Variants in MECOM observed in about 807,000 individuals in gnomAD.
The protein encoded by MECOM is histone-lysine N-methyltransferase MECOM.
In MECOM, 13 loss-of-function variants were observed where a neutral mutation model predicts 116.3. The ratio of observed to expected loss-of-function variants is 0.11; its 90% CI spans 0.07 to 0.18. The LOEUF is 0.18. Ranked by LOEUF, MECOM falls within the 10% of genes least tolerant of loss-of-function variation. The probability of loss-of-function intolerance (pLI) is 1.00; values close to 1 mark genes in which losing one functional copy is unlikely to be tolerated. For synonymous variants in MECOM, 528 were observed against 535.2 expected (o/e 0.99, Z 0.19); for missense variants, 1,299 against 1,509.0 (o/e 0.86, Z 2.31).
At chr3:169,363,534 C>T (rs1728659606) in intron 2 of MECOM, among the ~76,000 whole-genome samples, 1 of 151,872 alleles carries the variant, frequency 6.6e-6, no homozygotes, top group Admixed American at 6.6e-5. Flanking sequence ...CAATTTTCAC[C>T]TCTGACCCAA....
chr3:169,649,974 T>A (rs1267203753), intron 1 of MECOM, among the ~76,000 whole-genome samples: 1 of 152,226 alleles, frequency 6.6e-6, no homozygotes. Context: ...TTTTGTAACC[T>A]TCTGTGTAAA....
At chr3:169,343,836 C>T (rs920997732) in intron 2 of MECOM, among the ~76,000 whole-genome samples, 13 of 152,168 alleles carry the variant, frequency 8.5e-5, no homozygotes, top group African/African-American at 3.1e-4. Flanking sequence ...TTGGAACATA[C>T]TTAAATTAGT....
intron 1 of MECOM, among the ~76,000 whole-genome samples, chr3:169,523,288 A>G (rs1757570580): frequency 6.6e-6 from 1 of 152,164 alleles, no homozygotes; most frequent in Admixed American, 6.5e-5. Flanking sequence ...TGGGGCCTAT[A>G]AAGAGAAGCC....
chr3:169,663,600 C>T lies in MECOM; in HGVS notation c.-228G>A. 3 of 584,918 alleles carry T rather than the reference C, an allele frequency of 5.1e-6. No homozygotes were observed. The highest frequency in any genetic ancestry group is 5.7e-5 in the East Asian group (2 of 35,250). 36.2% of individuals were successfully genotyped at this position (584,918 alleles called of 1,614,324 possible). A position where few individuals can be genotyped will look rare whatever the true frequency, so the allele number is the denominator to read the frequency against. ...TCACTCTCTGTATTTTCTTCTTTCA[C>T]TCTCTCTCCCTCCCTCTCTCCCTTT... is the stretch of plus-strand genomic sequence containing the variant. On this transcript the variant is annotated 5_prime_UTR_variant, in exon 1 of 17. It adds an upstream start codon to the 5' untranslated region. Coordinates refer to ENST00000651503, the MANE Select transcript of MECOM (RefSeq NM_004991.4).
At chr3:169,399,376 G>A (rs561174433) in intron 1 of MECOM, among the ~76,000 whole-genome samples, 4 of 152,262 alleles carry the variant, frequency 2.6e-5, no homozygotes, top group East Asian at 1.9e-4. Context: ...TTGCCACCAC[G>A]GGAAGAGGTA....
chr3:169,561,451 A>G (rs1201602203), intron 1 of MECOM, among the ~76,000 whole-genome samples: 1 of 152,232 alleles, frequency 6.6e-6, no homozygotes, highest in Non-Finnish European at 1.5e-5. Context: ...ATAAATCACA[A>G]AAGCATACTG....
At chr3:169,444,374 G>A (rs529684627) in intron 1 of MECOM, among the ~76,000 whole-genome samples, 4 of 152,144 alleles carry the variant, frequency 2.6e-5, no homozygotes, top group East Asian at 1.9e-4. Flanking sequence ...CGCATTGTCC[G>A]AGAAACCCAT....
At chr3:169,321,526 G>C (rs1470434690) in intron 2 of MECOM, among the ~76,000 whole-genome samples, 1 of 151,430 alleles carries the variant, frequency 6.6e-6, no homozygotes, top group Non-Finnish European at 1.5e-5. Context: ...GGGTGACAGA[G>C]CGAGACTCCG....
chr3:169,264,183 C>T (rs1316603658), intron 2 of MECOM, among the ~76,000 whole-genome samples: 1 of 152,104 alleles, frequency 6.6e-6, no homozygotes, highest in Admixed American at 6.5e-5. Flanking sequence ...AACCTAACAA[C>T]CAAAATGGGA....
At chr3:169,385,002 G>A (rs1733073236) in intron 1 of MECOM, among the ~76,000 whole-genome samples, 1 of 151,522 alleles carries the variant, frequency 6.6e-6, no homozygotes, top group African/African-American at 2.4e-5. Flanking sequence ...CATTCTGGAG[G>A]CTGAGGCACA....
intron 1 of MECOM, among the ~76,000 whole-genome samples, chr3:169,417,997 A>ATCT (rs1738991971): frequency 6.6e-6 from 1 of 151,668 alleles, no homozygotes; most frequent in African/African-American, 2.4e-5. Flanking sequence ...TAGGAGATAT[A>ATCT]CCTAATGCTA....
intron 4 of MECOM, among the ~76,000 whole-genome samples, chr3:169,130,288 T>C (rs1177972568): frequency 6.6e-6 from 1 of 152,300 alleles, no homozygotes; most frequent in African/African-American, 2.4e-5. Flanking sequence ...AAAGCCCAGA[T>C]TGCAGTTCTT....
At chr3:169,553,674 A>G (rs1386715202) in intron 1 of MECOM, among the ~76,000 whole-genome samples, 1 of 152,226 alleles carries the variant, frequency 6.6e-6, no homozygotes, top group Non-Finnish European at 1.5e-5. Flanking sequence ...TCCAGATGCT[A>G]GAAGTCCAGG....
chr3:169,501,596 G>A (rs1754540438), intron 1 of MECOM, among the ~76,000 whole-genome samples: 1 of 151,966 alleles, frequency 6.6e-6, no homozygotes, highest in Non-Finnish European at 1.5e-5. Context: ...ATTGCATCTA[G>A]CTCAACAAGC....
chr3:169,086,425 A>G lies in MECOM; in HGVS notation c.3586-1382T>C, dbSNP rs375235612. 1.3e-5 allele frequency: 8 copies of G among 618,696 alleles called. No individual in the cohort carries two copies. In the East Asian group the frequency reaches 1.9e-4, roughly 15 times the overall value. 38.3% of individuals were successfully genotyped at this position (618,696 alleles called of 1,614,324 possible). Reference sequence around the variant, plus strand: ...GAGTACTCTGAAAGAGTTAAAACAAATTCTGATATTTGGGAAGATAAAAAG... The same window carrying G: ...GAGTACTCTGAAAGAGTTAAAACAAGTTCTGATATTTGGGAAGATAAAAAG... On this transcript the variant is annotated intron_variant, in intron 16 of 16. Transcript: ENST00000651503.
At chr3:169,093,953 T>A (rs565897120) in intron 13 of MECOM, among the ~76,000 whole-genome samples, 1 of 152,348 alleles carries the variant, frequency 6.6e-6, no homozygotes, top group East Asian at 1.9e-4. Flanking sequence ...GTATTAACTT[T>A]GACATGTTAC....
At chr3:169,632,752 A>G (rs895535987) in intron 1 of MECOM, among the ~76,000 whole-genome samples, 24 of 152,290 alleles carry the variant, frequency 1.6e-4, no homozygotes, top group African/African-American at 5.8e-4. Flanking sequence ...ATTCATGGCA[A>G]CCTGTCTGAG....
intron 2 of MECOM, among the ~76,000 whole-genome samples, chr3:169,166,792 C>CA (rs1268786391): frequency 6.6e-6 from 1 of 151,808 alleles, no homozygotes; most frequent in Non-Finnish European, 1.5e-5. Context: ...AACTGCTTGG[C>CA]AAAAAAATAA....
At chr3:169,493,043 A>G (rs1236893536) in intron 1 of MECOM, among the ~76,000 whole-genome samples, 2 of 152,228 alleles carry the variant, frequency 1.3e-5, no homozygotes, top group South Asian at 2.1e-4. Flanking sequence ...ATAGAAAGCT[A>G]TAGTCAGAAC....
Sources: gnomAD v4.1 joint callset for allele counts (sites outside exome capture counted in the v4.1 genomes callset) on GRCh38, gnomAD v4.1.1 for gene constraint, MANE v1.5 for transcripts, NCBI Gene and HGNC (gene_info 2026-07-23, HGNC 2026-07-21) for gene names.